Variants in FOXK1 observed in about 807,000 individuals in gnomAD.
The protein encoded by FOXK1 is forkhead box protein K1.
In FOXK1, 19 loss-of-function variants were observed where a neutral mutation model predicts 51.9. The observed-to-expected ratio is 0.37, with a 90% CI of 0.26 to 0.54. The LOEUF is 0.54. Among genes scored for constraint, FOXK1 ranks in the 20% least tolerant of loss-of-function variants. The probability of loss-of-function intolerance (pLI) is 0.87; values close to 1 mark genes in which losing one functional copy is unlikely to be tolerated. For synonymous variants in FOXK1, 537 were observed against 482.6 expected (o/e 1.11, Z -1.48); for missense variants, 870 against 1,032.7 (o/e 0.84, Z 2.16).
rs544580806 is a variant in FOXK1 at position 4,767,030 on chromosome 7, A to C, written c.*4566A>C. ...AACACGGGGAGGTGTCGGAGAAGAAAGGATTTTCCCCTTCGCTTTCAGAGC... is the reference window on the plus strand; with the variant it reads ...AACACGGGGAGGTGTCGGAGAAGAACGGATTTTCCCCTTCGCTTTCAGAGC... On this transcript the variant is annotated 3_prime_UTR_variant, in exon 9 of 9. Coordinates refer to ENST00000328914, the MANE Select transcript of FOXK1 (RefSeq NM_001037165.2). The surrounding 1 kb of genome is among the most constrained non-coding windows in gnomAD (Gnocchi z 6.6). 6 of 152,358 alleles carry C rather than the reference A, an allele frequency of 3.9e-5. No homozygotes were observed. In the East Asian group the frequency reaches 1.2e-3, roughly 29 times the overall value. The allele number at this position is 152,358 out of a possible 1,614,324, so 9.4% of individuals were successfully genotyped here. A position where few individuals can be genotyped will look rare whatever the true frequency, so the allele number is the denominator to read the frequency against.
chr7:4,724,971 A>G (rs1583196892), intron 1 of FOXK1, among the ~76,000 whole-genome samples: 1 of 152,198 alleles, frequency 6.6e-6, no homozygotes, highest in African/African-American at 2.4e-5. Context: ...AATAGTGGGG[A>G]CAGGGAGAGG....
rs1291700747 is a variant in FOXK1, at chr7:4,709,807, C to T, written c.560+26939C>T. On this transcript the variant is annotated intron_variant, in intron 1 of 8. Transcript: ENST00000328914. The surrounding 1 kb of genome is among the most constrained non-coding windows in gnomAD (Gnocchi z 5.6). ...GCTGTCCGTCTTCTCGCTGTTCAGC[C>T]AGCAGTTCACTGTCTGTAAAATAGG... 6.6e-6 allele frequency among the ~76,000 whole-genome samples: 1 copy of T among 152,188 alleles called. No individual in the cohort carries two copies. The highest frequency in any genetic ancestry group is 1.5e-5 in the Non-Finnish European group (1 of 68,040).
Position 4,761,553 on chromosome 7 carries a change from C to T in FOXK1, c.1921+265C>T, listed in dbSNP as rs1780932589. Among the ~76,000 whole-genome samples the T allele has an allele frequency of 6.6e-6, 1 of 152,136 alleles. No individual in the cohort carries two copies. The highest frequency in any genetic ancestry group is 2.4e-5 in the African/African-American group (1 of 41,424). On this transcript the variant is annotated intron_variant, in intron 8 of 8. Coordinates refer to ENST00000328914, the MANE Select transcript of FOXK1 (RefSeq NM_001037165.2). This position sits in a 1 kb window ranked among gnomAD's most constrained non-coding sequence, Gnocchi z 6.2. The stretch of plus-strand genomic sequence containing the variant: ...GACCAGCCCGGGCAACATAGCAAGA[C>T]CCCATCTCTACATAAGATTCAAAAA...
chr7:4,739,987 TCA>T (rs150751506), intron 1 of FOXK1, among the ~76,000 whole-genome samples: 2,723 of 152,272 alleles, frequency 0.018, 68 homozygotes, highest in African/African-American at 0.062. Context: ...TCTTCTGTTC[TCA>T]CACACAGTAG....
chr7:4,752,682 G>T (rs114497299), intron 2 of FOXK1, among the ~76,000 whole-genome samples: 2 of 152,204 alleles, frequency 1.3e-5, no homozygotes, highest in Admixed American at 6.5e-5. Context: ...GTGACACCTC[G>T]GCTCAGTGGT....
rs143313315 is a variant in FOXK1, at chr7:4,765,477, C to T, written c.*3013C>T. On this transcript the variant is annotated 3_prime_UTR_variant, in exon 9 of 9. Coordinates refer to ENST00000328914, the MANE Select transcript of FOXK1 (RefSeq NM_001037165.2). Reference sequence around the variant, plus strand: ...TGTGGAGCCAGGACCCAAGAACCTTCTCTAGGTTCTCAAGGGTGAGCTGAC... The same window carrying T: ...TGTGGAGCCAGGACCCAAGAACCTTTTCTAGGTTCTCAAGGGTGAGCTGAC... 1.3e-5 allele frequency: 2 copies of T among 152,444 alleles called. No individual in the cohort carries two copies. Among genetic ancestry groups the T allele is most frequent in the African/African-American group, 4.8e-5 (2 of 41,590 alleles). The allele number at this position is 152,444 out of a possible 1,614,324, so 9.4% of individuals were successfully genotyped here. A position where few individuals can be genotyped will look rare whatever the true frequency, so the allele number is the denominator to read the frequency against.
chr7:4,755,074 G>C lies in FOXK1; in HGVS notation c.904-163G>C, dbSNP rs1307910065. 2 of 810,828 alleles carry C rather than the reference G, an allele frequency of 2.5e-6. No individual in the cohort carries two copies. The highest frequency in any genetic ancestry group is 3.5e-5 in the African/African-American group (2 of 57,852). 50.2% of individuals were successfully genotyped at this position (810,828 alleles called of 1,614,324 possible). On this transcript the variant is annotated intron_variant, in intron 3 of 8. Coordinates refer to ENST00000328914, the MANE Select transcript of FOXK1 (RefSeq NM_001037165.2). The surrounding 1 kb of genome is among the most constrained non-coding windows in gnomAD (Gnocchi z 6.6). ...GAGGCAAAAATGGTTGTTCCTAGTT[G>C]AATGCAAGCACATTAATGGGATAGT...
rs531642663 is a variant in FOXK1 at position 4,723,541 on chromosome 7, C to T, written c.561-17297C>T. 2.6e-4 allele frequency among the ~76,000 whole-genome samples: 39 copies of T among 152,238 alleles called. 1 individual carries two copies. The South Asian group carries it at 6.6e-3, about 26-fold the overall frequency. On this transcript the variant is annotated intron_variant, in intron 1 of 8. Transcript: ENST00000328914. The surrounding 1 kb of genome is among the most constrained non-coding windows in gnomAD (Gnocchi z 4.7). ...TGTTGCCTCTAGGGCCTGTCCATCCCGTCAGCCCACGGTGCCTCTACAAAC... is the reference window on the plus strand; with the variant it reads ...TGTTGCCTCTAGGGCCTGTCCATCCTGTCAGCCCACGGTGCCTCTACAAAC...
At position 4,770,597 on chromosome 7, in the gene FOXK1, T is replaced by C. The variant is rs1781084529; in HGVS notation, c.*8133T>C. The stretch of plus-strand genomic sequence containing the variant: ...TTTTTTTCAAGAAAGGCTTTTTGGA[T>C]ACCTAGAATACCTTCATGTATGTGG... On this transcript the variant is annotated 3_prime_UTR_variant, in exon 9 of 9. Transcript: ENST00000328914. The C allele has an allele frequency of 6.6e-6, 1 of 152,160 alleles. No homozygotes were observed. Among genetic ancestry groups the C allele is most frequent in the African/African-American group, 2.4e-5 (1 of 41,422 alleles). The allele number at this position is 152,160 out of a possible 1,614,324, so 9.4% of individuals were successfully genotyped here. A position where few individuals can be genotyped will look rare whatever the true frequency, so the allele number is the denominator to read the frequency against.
intron 2 of FOXK1, among the ~76,000 whole-genome samples, chr7:4,741,893 A>T (rs940158703): frequency 6.6e-6 from 1 of 152,258 alleles, no homozygotes; most frequent in African/African-American, 2.4e-5. Flanking sequence ...GACAGCCTGG[A>T]TGCATGGCAC....
At chr7:4,740,736 AC>A in intron 1 of FOXK1, 101 bp from the exon 2 acceptor site, 1 of 1,194,650 alleles carries the variant, frequency 8.4e-7, no homozygotes, top group Admixed American at 2.8e-5. Flanking sequence ...TTTGAGAGTT[AC>A]GGTCCAGTTA....
Position 4,708,000 on chromosome 7 carries a change from T to G in FOXK1, c.560+25132T>G, listed in dbSNP as rs1338219616. Among the ~76,000 whole-genome samples the G allele has an allele frequency of 6.6e-6, 1 of 152,050 alleles. No individual in the cohort carries two copies. Among genetic ancestry groups the G allele is most frequent in the Non-Finnish European group, 1.5e-5 (1 of 68,028 alleles). On this transcript the variant is annotated intron_variant, in intron 1 of 8. Transcript: ENST00000328914. This position sits in a 1 kb window ranked among gnomAD's most constrained non-coding sequence, Gnocchi z 4.1. The stretch of plus-strand genomic sequence containing the variant: ...GCTCAGCCTGTTTTCACCTGTTTTC[T>G]GAAATCTGAGTAAATGTGGAGGGAG...
Position 4,731,565 on chromosome 7 carries a change from G to T in FOXK1, c.561-9273G>T, listed in dbSNP as rs1780476425. Among the ~76,000 whole-genome samples the T allele has an allele frequency of 1.3e-5, 2 of 152,224 alleles. No homozygotes were observed. The highest frequency in any genetic ancestry group is 6.5e-5 in the Admixed American group (1 of 15,288). The stretch of plus-strand genomic sequence containing the variant: ...ACCTGAGGTCAGGAGTTCAAGACCA[G>T]CCTGGCCAACATGGTGAAACCCCAT... On this transcript the variant is annotated intron_variant, in intron 1 of 8. Transcript: ENST00000328914. This position sits in a 1 kb window ranked among gnomAD's most constrained non-coding sequence, Gnocchi z 5.3.
intron 1 of FOXK1, among the ~76,000 whole-genome samples, chr7:4,697,851 G>A (rs543383908): frequency 3.3e-5 from 5 of 151,194 alleles, no homozygotes; most frequent in Admixed American, 2.6e-4. Context: ...TTGAGATGGA[G>A]TCTCGCTCTG....
chr7:4,725,083 A>G (rs1267848675), intron 1 of FOXK1, among the ~76,000 whole-genome samples: 6 of 152,162 alleles, frequency 3.9e-5, no homozygotes, highest in African/African-American at 1.4e-4. Context: ...TGCACCCGCC[A>G]CCCACAGCGT....
At chr7:4,685,583 G>C (rs1779809246) in intron 1 of FOXK1, among the ~76,000 whole-genome samples, 2 of 145,894 alleles carry the variant, frequency 1.4e-5, no homozygotes, top group South Asian at 4.3e-4. Flanking sequence ...CACATATGTA[G>C]AACAGGCTGT....
chr7:4,733,667 C>T lies in FOXK1; in HGVS notation c.561-7171C>T, dbSNP rs1562382578. Among the ~76,000 whole-genome samples the T allele has an allele frequency of 1.3e-5, 2 of 152,368 alleles. No individual in the cohort carries two copies. Among genetic ancestry groups the T allele is most frequent in the South Asian group, 4.1e-4 (2 of 4,832 alleles). The stretch of plus-strand genomic sequence containing the variant: ...GCTCTGGGAACTACAGCCTCAGCCA[C>T]AGTCCAGGAAGCTGCCCAGTGCCCA... On this transcript the variant is annotated intron_variant, in intron 1 of 8. Transcript: ENST00000328914. This position sits in a 1 kb window ranked among gnomAD's most constrained non-coding sequence, Gnocchi z 5.0.
At chr7:4,684,965 G>A (rs1269703533) in intron 1 of FOXK1, among the ~76,000 whole-genome samples, 2 of 151,986 alleles carry the variant, frequency 1.3e-5, no homozygotes, top group Non-Finnish European at 2.9e-5. Context: ...GGGAGCTCGT[G>A]TTCTCGGTGG....
intron 1 of FOXK1, among the ~76,000 whole-genome samples, chr7:4,738,672 C>T (rs1780590170): frequency 6.6e-6 from 1 of 152,148 alleles, no homozygotes; most frequent in African/African-American, 2.4e-5. Flanking sequence ...CTCGCTGGGC[C>T]GTGCCTCCCA....
Sources: gnomAD v4.1 joint callset for allele counts (sites outside exome capture counted in the v4.1 genomes callset) on GRCh38, gnomAD v4.1.1 for gene constraint, Gnocchi (gnomAD v3.1) non-coding constraint, MANE v1.5 for transcripts, NCBI Gene and HGNC (gene_info 2026-07-23, HGNC 2026-07-21) for gene names.